Variants in CACNA1A observed in about 807,000 individuals in gnomAD.
CACNA1A encodes calcium voltage-gated channel subunit alpha1 A.
CACNA1A carries 57 observed loss-of-function variants against 262.4 expected under a neutral mutation model. The observed-to-expected ratio is 0.22, with a 90% confidence interval of 0.18 to 0.27. The LOEUF (loss-of-function observed/expected upper bound fraction) is 0.27, where lower values mean the gene tolerates loss of function less well. CACNA1A is among the 10% of genes least tolerant of loss of function. The pLI is 1.00. For missense variants in CACNA1A, 2,526 were observed against 3,562.8 expected (o/e 0.71, Z 7.41); for synonymous variants, 1,431 against 1,419.3 (o/e 1.01, Z -0.18).
At position 13,207,940 on chromosome 19, in the gene CACNA1A, G is replaced by T; in HGVS notation, c.6894C>A (p.Ser2298=). ...CGGCCTTACGGATCACAGGGGAATAGGACACGTGTGGCCGGGGGGTGGAGG... is the reference window on the plus strand; with the variant it reads ...CGGCCTTACGGATCACAGGGGAATATGACACGTGTGGCCGGGGGGTGGAGG... The part of the protein sequence containing the change: ...QTPSTPRPHV[S]YSPVIRKAGG... The change falls in exon 47 of 47, where the codon TCC becomes TCA. Residue 2298 remains serine (S), a synonymous_variant. Transcript: ENST00000360228. This position sits in a 1 kb window ranked among gnomAD's most constrained non-coding sequence, Gnocchi z 5.7. 1 of 1,410,276 alleles carries T rather than the reference G, an allele frequency of 7.1e-7. No individual in the cohort carries two copies. The highest frequency in any genetic ancestry group is 3.1e-5 in the Admixed American group (1 of 32,436). 87.4% of individuals were successfully genotyped at this position (1,410,276 alleles called of 1,614,324 possible).
intron 34 of CACNA1A, among the ~76,000 whole-genome samples, chr19:13,232,742 C>CAA (rs780750755): frequency 2.2e-5 from 2 of 91,670 alleles, no homozygotes; most frequent in Admixed American, 1.2e-4. Context: ...CAAAAAAAAG[C>CAA]AAAAAAAAAA....
intron 6 of CACNA1A, among the ~76,000 whole-genome samples, chr19:13,351,100 T>C (rs2058900237): frequency 6.6e-6 from 1 of 152,158 alleles, no homozygotes; most frequent in Non-Finnish European, 1.5e-5. Context: ...CATCATTTGG[T>C]TAAAGTGGTA....
intron 3 of CACNA1A, among the ~76,000 whole-genome samples, chr19:13,427,511 A>G (rs1365072705): frequency 6.8e-6 from 1 of 147,542 alleles, no homozygotes; most frequent in Admixed American, 6.7e-5. Flanking sequence ...TCCCCCTATG[A>G]GCTGCTAGAA....
At chr19:13,332,756 G>A (rs765805354) in intron 9 of CACNA1A, 113 bp downstream of exon 9, 69 of 634,450 alleles carry the variant, frequency 1.1e-4, no homozygotes, top group Non-Finnish European at 1.7e-4. Context: ...CAAGAGGAAC[G>A]TCTACCCTCT....
At chr19:13,251,432 G>A (rs528668187) in intron 30 of CACNA1A, among the ~76,000 whole-genome samples, 2 of 151,898 alleles carry the variant, frequency 1.3e-5, no homozygotes, top group East Asian at 1.9e-4. Flanking sequence ...TCAGTGAGCC[G>A]AGATTGCGCC....
chr19:13,261,370 A>G (rs2056730452), intron 26 of CACNA1A, 80 bp downstream of exon 26: 1 of 1,261,232 alleles, frequency 7.9e-7, no homozygotes, highest in Admixed American at 2.2e-5. Flanking sequence ...CTCTGAGCCC[A>G]AGTGGCCAAT....
At chr19:13,469,685 G>T (rs920826095) in intron 1 of CACNA1A, among the ~76,000 whole-genome samples, 4 of 147,314 alleles carry the variant, frequency 2.7e-5, no homozygotes, top group African/African-American at 1.0e-4. Context: ...GGTCTCGATC[G>T]CCTGACCTTG....
Position 13,207,412 on chromosome 19 carries a change from G to A in CACNA1A, c.7422C>T (p.Asn2474=), listed in dbSNP as rs2054606409. The part of the protein sequence containing the change: ...SPSRHGRRLP[N]GYYPAHGLAR... ...CCAGTCCGTGCGCCGGGTAGTAGCC[G>A]TTGGGGAGTCGCCGGCCGTGCCGAG... Residue 2474 remains asparagine, a synonymous_variant, in exon 47 of 47, where the codon AAC becomes AAT. Transcript: ENST00000360228. The surrounding 1 kb of genome is among the most constrained non-coding windows in gnomAD (Gnocchi z 5.7). 1 of 1,532,452 alleles carries A rather than the reference G, an allele frequency of 6.5e-7. No homozygotes were observed. The highest frequency in any genetic ancestry group is 8.7e-7 in the Non-Finnish European group (1 of 1,144,874). The allele number at this position is 1,532,452 out of a possible 1,614,324, so 94.9% of individuals were successfully genotyped here. A position where few individuals can be genotyped will look rare whatever the true frequency, so the allele number is the denominator to read the frequency against.
chr19:13,281,736 T>C (rs2057296643), intron 22 of CACNA1A, among the ~76,000 whole-genome samples: 1 of 152,184 alleles, frequency 6.6e-6, no homozygotes, highest in Non-Finnish European at 1.5e-5. Flanking sequence ...TTTCTTGCCC[T>C]GGATGGTGGT....
intron 31 of CACNA1A, chr19:13,243,585 T>A (rs962911401): frequency 4.0e-5 from 6 of 151,644 alleles, no homozygotes; most frequent in African/African-American, 1.5e-4. Context: ...GATGGAGTTT[T>A]CGCTCTTGTC....
At chr19:13,358,234 T>C (rs1365704890) in intron 6 of CACNA1A, among the ~76,000 whole-genome samples, 1 of 152,072 alleles carries the variant, frequency 6.6e-6, no homozygotes, top group Non-Finnish European at 1.5e-5. Context: ...AATAAAACTA[T>C]GGGCAGCCAC....
In CACNA1A at chr19:13,300,532, G is replaced by A. The variant is rs1194418827; in HGVS notation, c.2279+18C>T. On this transcript the variant is annotated intron_variant, in intron 18 of 46. Coordinates refer to ENST00000360228, the MANE Select transcript of CACNA1A (RefSeq NM_001127222.2). ...GTTCAGGAGCCAGGGTAGCATCCCAGGGATTAGGGGCACTTACACAGCTAT... is the reference window on the plus strand; with the variant it reads ...GTTCAGGAGCCAGGGTAGCATCCCAAGGATTAGGGGCACTTACACAGCTAT... 6.4e-7 allele frequency: 1 copy of A among 1,557,482 alleles called. No individual in the cohort carries two copies. The highest frequency in any genetic ancestry group is 1.7e-5 in the Admixed American group (1 of 59,912).
In CACNA1A at chr19:13,241,387, G is replaced by A. The variant is rs2056077080; in HGVS notation, c.4950+3795C>T. ...GGGGGCGGGAGGACAGACAGACAGA[G>A]GAGAGCGGAGGGTTGAGGAGAGCGT... is the stretch of plus-strand genomic sequence containing the variant. On this transcript the variant is annotated intron_variant, in intron 31 of 46. Transcript: ENST00000360228. The surrounding 1 kb of genome is among the most constrained non-coding windows in gnomAD (Gnocchi z 4.0). The A allele has an allele frequency of 2.8e-6, 2 of 705,434 alleles. No homozygotes were observed. The highest frequency in any genetic ancestry group is 1.7e-5 in the African/African-American group (1 of 57,230). The allele number at this position is 705,434 out of a possible 1,614,324, so 43.7% of individuals were successfully genotyped here. A position where few individuals can be genotyped will look rare whatever the true frequency, so the allele number is the denominator to read the frequency against.
rs545057883 is a variant in CACNA1A, at chr19:13,429,072, C to T, written c.539+23804G>A. Among the ~76,000 whole-genome samples, 5 of 151,952 alleles carry T rather than the reference C, an allele frequency of 3.3e-5. No homozygotes were observed. In the East Asian group the frequency reaches 9.7e-4, roughly 29 times the overall value. On this transcript the variant is annotated intron_variant, in intron 3 of 46. Transcript: ENST00000360228. ...ACACATCTTTAGATTTGCTGACCAC[C>T]TTCTGAGCTGGGTCTCGCTCCTCTG...
rs1175262855 is a variant in CACNA1A at position 13,409,454 on chromosome 19, AG to A, written c.540-37676del. On this transcript the variant is annotated intron_variant, in intron 3 of 46. Transcript: ENST00000360228. ...CAAAGTACAAATACGCCAGGCACTT[AG>A]CCTTGTCATTGTTGATGTCTGTATC... 2.0e-5 allele frequency among the ~76,000 whole-genome samples: 3 copies of A among 152,048 alleles called. No individual in the cohort carries two copies. In the East Asian group the frequency reaches 5.8e-4, roughly 29 times the overall value.
chr19:13,309,417 G>A (rs905915872), intron 12 of CACNA1A, among the ~76,000 whole-genome samples: 5 of 152,044 alleles, frequency 3.3e-5, no homozygotes, highest in African/African-American at 1.2e-4. Flanking sequence ...GAGAAGGCTA[G>A]GGCAGTGGCT....
intron 45 of CACNA1A, 107 bp from the exon 46 acceptor site, chr19:13,209,116 C>A: frequency 6.8e-7 from 1 of 1,475,414 alleles, no homozygotes; most frequent in Non-Finnish European, 9.1e-7. Flanking sequence ...CTAGAGATCC[C>A]CTGAACCGAG....
intron 1 of CACNA1A, among the ~76,000 whole-genome samples, chr19:13,490,740 G>GAAAGAGA (rs1568700911): frequency 7.8e-5 from 10 of 128,280 alleles, no homozygotes; most frequent in African/African-American, 2.1e-4. Context: ...AAAGAGAAAA[G>GAAAGAGA]AAAGAAAGAA....
chr19:13,359,266 A>G (rs1273293634), intron 6 of CACNA1A, among the ~76,000 whole-genome samples: 2 of 152,246 alleles, frequency 1.3e-5, no homozygotes, highest in African/African-American at 4.8e-5. Flanking sequence ...GCCTACGTCC[A>G]AAGATATTAC....
Sources: allele counts gnomAD v4.1 joint callset (sites outside exome capture counted in the v4.1 genomes callset), GRCh38; gene constraint gnomAD v4.1.1; non-coding constraint Gnocchi (gnomAD v3.1); transcripts MANE v1.5; gene names NCBI Gene and HGNC (gene_info 2026-07-23, HGNC 2026-07-21).